EFHD1: variants seen among roughly 807,000 people sequenced by gnomAD.
EFHD1 encodes the protein EF-hand domain-containing protein D1.
A neutral mutation model predicts 17.2 loss-of-function variants in EFHD1; 10 were observed. The ratio of observed to expected loss-of-function variants is 0.58; its 90% CI spans 0.36 to 0.99. The LOEUF (loss-of-function observed/expected upper bound fraction) is 0.99. Ranked by LOEUF, EFHD1 falls within the 50% of genes least tolerant of loss-of-function variation. The pLI, the probability that EFHD1 is intolerant of heterozygous loss-of-function variation, is 0.01. For synonymous variants in EFHD1, 153 were observed against 142.0 expected, an observed-to-expected ratio of 1.08 and a Z score of -0.55; for missense variants, 310 against 327.5, an observed-to-expected ratio of 0.95 and a Z score of 0.41.
At chr2:232,623,673 CAAAA>C (rs756932393) in intron 1 of EFHD1, among the ~76,000 whole-genome samples, 2 of 86,642 alleles carry the variant, frequency 2.3e-5, no homozygotes, top group African/African-American at 9.0e-5. Flanking sequence ...AGTCTCTGTC[CAAAA>C]AAAAAAAAAA....
At chr2:232,614,060 A>G (rs1693873129) in intron 1 of EFHD1, among the ~76,000 whole-genome samples, 1 of 151,948 alleles carries the variant, frequency 6.6e-6, no homozygotes, top group South Asian at 2.1e-4. Flanking sequence ...ACATACATAC[A>G]CATGCACACA....
chr2:232,644,690 T>C (rs1329792043), intron 1 of EFHD1, among the ~76,000 whole-genome samples: 1 of 151,908 alleles, frequency 6.6e-6, no homozygotes, highest in Admixed American at 6.6e-5. Context: ...TTTGTATTTT[T>C]AGTAGAGATG....
In EFHD1 at chr2:232,682,466, G is replaced by A. The variant is rs1695307102; in HGVS notation, c.*747G>A. ...GAAAGAATAGTTAGGATACCAATGAGTAAAAGGGTTCCTGTTCACTCTGAC... is the reference window on the plus strand; with the variant it reads ...GAAAGAATAGTTAGGATACCAATGAATAAAAGGGTTCCTGTTCACTCTGAC... On this transcript the variant is annotated 3_prime_UTR_variant, in exon 4 of 4. Coordinates refer to ENST00000264059, the MANE Select transcript of EFHD1 (RefSeq NM_025202.4). The A allele has an allele frequency of 6.6e-6, 1 of 152,232 alleles. No homozygotes were observed. The highest frequency in any genetic ancestry group is 2.4e-5 in the African/African-American group (1 of 41,410). The allele number at this position is 152,232 out of a possible 1,614,324, so 9.4% of individuals were successfully genotyped here. A position where few individuals can be genotyped will look rare whatever the true frequency, so the allele number is the denominator to read the frequency against.
chr2:232,651,218 G>C (rs903163329), intron 1 of EFHD1, among the ~76,000 whole-genome samples: 1 of 152,200 alleles, frequency 6.6e-6, no homozygotes, highest in Admixed American at 6.5e-5. Flanking sequence ...AGGAGCTCTG[G>C]GGCTGGGAAG....
At chr2:232,641,069 G>GTC (rs1351999605) in intron 1 of EFHD1, among the ~76,000 whole-genome samples, 4 of 152,060 alleles carry the variant, frequency 2.6e-5, no homozygotes, top group African/African-American at 9.7e-5. Flanking sequence ...TTGAAACAGG[G>GTC]TCTCTCTCTG....
At chr2:232,671,026 A>G (rs900949039) in intron 2 of EFHD1, among the ~76,000 whole-genome samples, 4 of 152,186 alleles carry the variant, frequency 2.6e-5, no homozygotes, top group African/African-American at 9.6e-5. Context: ...CTAATTTTTT[A>G]CTTTCATAGA....
chr2:232,638,064 A>G (rs1232310277), intron 1 of EFHD1: 1 of 215,412 alleles, frequency 4.6e-6, no homozygotes, highest in Non-Finnish European at 9.5e-6. Flanking sequence ...CTCCATTTCC[A>G]AGCCTGTTAC....
intron 1 of EFHD1, among the ~76,000 whole-genome samples, chr2:232,627,043 T>C (rs1358188933): frequency 1.3e-4 from 11 of 83,512 alleles, no homozygotes; most frequent in African/African-American, 5.5e-4. Context: ...TCTCTATATA[T>C]ATATATATAT....
intron 1 of EFHD1, among the ~76,000 whole-genome samples, chr2:232,639,647 G>A (rs1327000777): frequency 6.6e-5 from 10 of 152,122 alleles, no homozygotes; most frequent in African/African-American, 2.4e-4. Context: ...GTTCTGCATG[G>A]GTTCATGGTG....
chr2:232,644,794 A>AT (rs746133158), intron 1 of EFHD1, among the ~76,000 whole-genome samples: 11,136 of 123,810 alleles, frequency 0.09, 660 homozygotes, highest in African/African-American at 0.15. Context: ...ACCTGGCCTA[A>AT]TTTTTTTTTT....
At chr2:232,655,164 G>A (rs957935574) in intron 1 of EFHD1, among the ~76,000 whole-genome samples, 2 of 152,300 alleles carry the variant, frequency 1.3e-5, no homozygotes, top group Middle Eastern at 3.4e-3. Context: ...CCAGACTCTT[G>A]GCACTGAAGG....
At chr2:232,619,026 G>A (rs921045628) in intron 1 of EFHD1, among the ~76,000 whole-genome samples, 4 of 151,892 alleles carry the variant, frequency 2.6e-5, no homozygotes, top group Non-Finnish European at 4.4e-5. Flanking sequence ...GCAGGCATCT[G>A]TAATCCCAGC....
intron 1 of EFHD1, among the ~76,000 whole-genome samples, chr2:232,617,222 A>G (rs1693940797): frequency 1.3e-5 from 2 of 152,216 alleles, no homozygotes; most frequent in Non-Finnish European, 2.9e-5. Flanking sequence ...GTGGCCTTTT[A>G]TGACCTAGTC....
At chr2:232,637,630 C>T (rs939685130) in intron 1 of EFHD1, among the ~76,000 whole-genome samples, 1 of 152,110 alleles carries the variant, frequency 6.6e-6, no homozygotes, top group Non-Finnish European at 1.5e-5. Flanking sequence ...AGGCGTGAGC[C>T]ACCGCGCCTG....
At chr2:232,622,796 G>A (rs1694044177) in intron 1 of EFHD1, among the ~76,000 whole-genome samples, 1 of 152,154 alleles carries the variant, frequency 6.6e-6, no homozygotes, top group Non-Finnish European at 1.5e-5. Context: ...TCAGGTGCTT[G>A]AAATGTGGCC....
intron 1 of EFHD1, among the ~76,000 whole-genome samples, chr2:232,642,242 G>A (rs1394485202): frequency 2.0e-5 from 3 of 151,934 alleles, no homozygotes; most frequent in African/African-American, 4.8e-5. Flanking sequence ...AATTAGCAGG[G>A]TGTGGTGGTG....
At chr2:232,631,298 CTCTCTG>C (rs1206107121), upstream of EFHD1, among the ~76,000 whole-genome samples, 4 of 151,644 alleles carry the variant, frequency 2.6e-5, no homozygotes, top group East Asian at 5.8e-4. Context: ...CTCTCTCTCT[CTCTCTG>C]TCTCTCTCTC....
At chr2:232,612,114 G>A (rs2106181517) in intron 1 of EFHD1, 1 of 152,322 alleles carries the variant, frequency 6.6e-6, no homozygotes, top group African/African-American at 2.4e-5. Context: ...AGCCTCCTAA[G>A]TAGCTGGGAC....
intron 1 of EFHD1, among the ~76,000 whole-genome samples, chr2:232,616,168 A>G (rs1230128805): frequency 6.6e-6 from 1 of 152,214 alleles, no homozygotes; most frequent in Non-Finnish European, 1.5e-5. Context: ...CCTGGGGTAT[A>G]GAGAAAACGC....
Sources: allele counts gnomAD v4.1 joint callset (sites outside exome capture counted in the v4.1 genomes callset), GRCh38; gene constraint gnomAD v4.1.1; transcripts MANE v1.5; gene names NCBI Gene and HGNC (gene_info 2026-07-23, HGNC 2026-07-21).